SIDT2: variants seen among roughly 807,000 people sequenced by gnomAD.
SIDT2 encodes SID1 transmembrane family member 2, also known as SID1 transmembrane family, member 2.
A neutral mutation model predicts 114.4 loss-of-function variants in SIDT2; 68 were observed. The ratio of observed to expected loss-of-function variants is 0.59; its 90% confidence interval spans 0.49 to 0.73. The LOEUF is 0.73. SIDT2 is among the 30% of genes least tolerant of loss of function. SIDT2 has a pLI of 0.00. For synonymous variants in SIDT2, 470 were observed against 438.4 expected (o/e 1.07, Z -0.90); for missense variants, 918 against 1,097.1 (o/e 0.84, Z 2.31).
chr11:117,179,247 G>A lies in SIDT2; in HGVS notation c.-17G>A, dbSNP rs758342187. On this transcript the variant is annotated 5_prime_UTR_variant, in exon 1 of 26. Transcript: ENST00000324225. ...CGCCGCCGCCACCACCGCTGCCACT[G>A]CCGCCCTGCCGGGGCCATGTTCGCT... 19 of 1,602,576 alleles carry A rather than the reference G, an allele frequency of 1.2e-5. No individual in the cohort carries two copies. The South Asian group carries it at 1.9e-4, about 16-fold the overall frequency.
At chr11:117,191,691 G>GGTGGCAGTGTGGT in intron 18 of SIDT2, 187 bp from the exon 19 acceptor site, 1 of 720,716 alleles carries the variant, frequency 1.4e-6, no homozygotes, top group East Asian at 2.6e-5. Context: ...CAGCCAGTGG[G>GGTGGCAGTGTGGT]GTGGCAGTGT....
Position 117,179,418 on chromosome 11 carries a change from C to T in SIDT2, c.155C>T (p.Thr52Ile), listed in dbSNP as rs2030173699. The T allele has an allele frequency of 1.2e-6, 2 of 1,614,034 alleles. No individual in the cohort carries two copies. Among genetic ancestry groups the T allele is most frequent in the Non-Finnish European group, 1.7e-6 (2 of 1,179,996 alleles). The change falls in exon 1 of 26, where the codon ACC becomes ATC. Residue 52 changes from threonine (T) to isoleucine (I), a missense_variant. By Grantham distance (89) the Thr-to-Ile change is moderately conservative. Coordinates refer to ENST00000324225, the MANE Select transcript of SIDT2 (RefSeq NM_001040455.2). ...AACAGCGAGCTGGTCAACATCTACA[C>T]CTTCAACCATACTGTGACCCGCAAC... Reference protein sequence around the residue: ...EVNSELVNIYTFNHTVTRNRT... With the variant: ...EVNSELVNIYIFNHTVTRNRT...
Position 117,187,417 on chromosome 11 carries a change from C to G in SIDT2, c.1055C>G (p.Ser352Cys), listed in dbSNP as rs1198825062. 2 of 1,613,974 alleles carry G rather than the reference C, an allele frequency of 1.2e-6. No individual in the cohort carries two copies. Among genetic ancestry groups the G allele is most frequent in the Admixed American group, 1.7e-5 (1 of 59,998 alleles). ...RVLADSFPGS[S>C]PYEGYNYGSF... is the part of the protein sequence containing the mutation. ...CTGGCTGATTCTTTTCCTGGCAGTT[C>G]CCCTTATGAGGGTTACAACTATGGC... The change falls in exon 11 of 26, where the codon TCC becomes TGC. Residue 352 changes from serine to cysteine, a missense_variant. Ser to Cys is a moderately radical substitution (Grantham distance 112). Around this residue, in one of 4 missense-constraint regions of SIDT2, gnomAD observed 553 missense variants for 600.1 expected, o/e 0.92. Coordinates refer to ENST00000324225, the MANE Select transcript of SIDT2 (RefSeq NM_001040455.2).
Position 117,188,079 on chromosome 11 carries a change from C to T in SIDT2, c.1159+380C>T, listed in dbSNP as rs550751854. The T allele has an allele frequency of 4.1e-4, 186 of 450,704 alleles. No individual in the cohort carries two copies. Among genetic ancestry groups the T allele is most frequent in the Middle Eastern group, 1.1e-3 (2 of 1,846 alleles). 27.9% of individuals were successfully genotyped at this position (450,704 alleles called of 1,614,324 possible). A position where few individuals can be genotyped will look rare whatever the true frequency, so the allele number is the denominator to read the frequency against. Reference sequence around the variant, plus strand: ...TCCCCATGTAATTCCAGTAATTGCCCGCTCTTGTGTCTTCTGAGATAGCAG... The same window carrying T: ...TCCCCATGTAATTCCAGTAATTGCCTGCTCTTGTGTCTTCTGAGATAGCAG... On this transcript the variant is annotated intron_variant, in intron 12 of 25. Transcript: ENST00000324225. This position sits in a 1 kb window ranked among gnomAD's most constrained non-coding sequence, Gnocchi z 4.0.
At chr11:117,193,700 G>T (rs1167724082) in intron 23 of SIDT2, among the ~76,000 whole-genome samples, 153 bp from the exon 24 acceptor site, 2 of 152,156 alleles carry the variant, frequency 1.3e-5, no homozygotes, top group African/African-American at 2.4e-5. Flanking sequence ...GGCAGGTTGA[G>T]CTCTGTGGTT....
chr11:117,190,490 C>G lies in SIDT2; in HGVS notation c.1618-133C>G. On this transcript the variant is annotated intron_variant, in intron 17 of 25. Transcript: ENST00000324225. The surrounding 1 kb of genome is among the most constrained non-coding windows in gnomAD (Gnocchi z 4.1). ...TGCCAGCCTGCCCAGGCCAGCCCAC[C>G]CCTGCACACCCACACTCGACACATA... is the stretch of plus-strand genomic sequence containing the variant. 1.9e-6 allele frequency: 2 copies of G among 1,080,268 alleles called. No homozygotes were observed. The highest frequency in any genetic ancestry group is 2.6e-6 in the Non-Finnish European group (2 of 755,006). The allele number at this position is 1,080,268 out of a possible 1,614,324, so 66.9% of individuals were successfully genotyped here. A position where few individuals can be genotyped will look rare whatever the true frequency, so the allele number is the denominator to read the frequency against.
At chr11:117,179,859 CA>C (rs1388653114) in intron 1 of SIDT2, 1 of 160,672 alleles carries the variant, frequency 6.2e-6, no homozygotes, top group Non-Finnish European at 1.4e-5. Context: ...TCTGTGCAGG[CA>C]AGTTACATCT....
Position 117,192,337 on chromosome 11 carries a change from C to G in SIDT2, c.1956C>G (p.Leu652=), listed in dbSNP as rs1445264428. ...IIATLLLSTQ[L]YYMGRWKLDS... is the part of the protein sequence containing the mutation. Reference sequence around the variant, plus strand: ...CCACCCTGCTCCTCAGCACGCAGCTCTATTACATGGGCCGGTGGAAACTGG... The same window carrying G: ...CCACCCTGCTCCTCAGCACGCAGCTGTATTACATGGGCCGGTGGAAACTGG... Residue 652 remains leucine (L), a synonymous_variant, in exon 20 of 26, where the codon CTC becomes CTG. Coordinates refer to ENST00000324225, the MANE Select transcript of SIDT2 (RefSeq NM_001040455.2). This position sits in a 1 kb window ranked among gnomAD's most constrained non-coding sequence, Gnocchi z 5.9. 1 of 1,608,174 alleles carries G rather than the reference C, an allele frequency of 6.2e-7. No homozygotes were observed. Among genetic ancestry groups the G allele is most frequent in the Non-Finnish European group, 8.5e-7 (1 of 1,174,834 alleles).
Position 117,186,198 on chromosome 11 carries a change from C to T in SIDT2, c.937C>T (p.Leu313Phe), listed in dbSNP as rs764045197. The change falls in exon 9 of 26, where the codon CTC becomes TTC. Residue 313 changes from leucine (L) to phenylalanine (F), a missense_variant. Around this residue, in one of 4 missense-constraint regions of SIDT2, gnomAD observed 553 missense variants for 600.1 expected, o/e 0.92. Coordinates refer to ENST00000324225, the MANE Select transcript of SIDT2 (RefSeq NM_001040455.2). ...TCTCTCCTTTTACCTGCTGACCGTCCTCCTGGCCTGCTGGGAGAACTGGAG... is the reference window on the plus strand; with the variant it reads ...TCTCTCCTTTTACCTGCTGACCGTCTTCCTGGCCTGCTGGGAGAACTGGAG... ...IFLSFYLLTVLLACWENWRQK... is the reference protein window; with the variant it reads ...IFLSFYLLTVFLACWENWRQK... 1.2e-6 allele frequency: 2 copies of T among 1,614,128 alleles called. No individual in the cohort carries two copies. Among genetic ancestry groups the T allele is most frequent in the Non-Finnish European group, 8.5e-7 (1 of 1,180,034 alleles).
rs1156783750 is a variant in SIDT2, at chr11:117,191,977, G to C, written c.1835G>C (p.Cys612Ser). The change falls in exon 19 of 26, where the codon TGC (cysteine) becomes TCC (serine). Residue 612 changes from cysteine to serine, a missense_variant. Cys to Ser is a moderately radical substitution (Grantham distance 112). Around this residue, in one of 4 missense-constraint regions of SIDT2, gnomAD observed 275 missense variants for 397.6 expected, o/e 0.69. Coordinates refer to ENST00000324225, the MANE Select transcript of SIDT2 (RefSeq NM_001040455.2). ...INASAYSAYA[C>S]LAIVIFFSVL... Reference sequence around the variant, plus strand: ...GCCAGCGCCTACAGTGCCTACGCCTGCCTGGCCATTGTCATCTTCTTCTCT... The same window carrying C: ...GCCAGCGCCTACAGTGCCTACGCCTCCCTGGCCATTGTCATCTTCTTCTCT... 1.9e-6 allele frequency: 3 copies of C among 1,614,186 alleles called. No homozygotes were observed. The highest frequency in any genetic ancestry group is 2.5e-6 in the Non-Finnish European group (3 of 1,180,034).
At position 117,189,326 on chromosome 11, in the gene SIDT2, G is replaced by T. The variant is rs921915545; in HGVS notation, c.1353-9G>T. 3.7e-6 allele frequency: 6 copies of T among 1,614,092 alleles called. No homozygotes were observed. Among genetic ancestry groups the T allele is most frequent in the Non-Finnish European group, 5.1e-6 (6 of 1,180,036 alleles). On this transcript the variant is annotated splice_polypyrimidine_tract_variant and intron_variant, in intron 14 of 25. Coordinates refer to ENST00000324225, the MANE Select transcript of SIDT2 (RefSeq NM_001040455.2). Reference sequence around the variant, plus strand: ...CCACCCACCTCACTGCCGCCCTCCTGCTCCGCAGGAACATTGCCACCATTG... The same window carrying T: ...CCACCCACCTCACTGCCGCCCTCCTTCTCCGCAGGAACATTGCCACCATTG...
In SIDT2 at chr11:117,188,574, C is replaced by G. The variant is rs570530029; in HGVS notation, c.1160-134C>G. 2.9e-4 allele frequency: 200 copies of G among 683,258 alleles called. No homozygotes were observed. In the South Asian group the frequency reaches 3.3e-3, roughly 11 times the overall value. The allele number at this position is 683,258 out of a possible 1,614,324, so 42.3% of individuals were successfully genotyped here. A position where few individuals can be genotyped will look rare whatever the true frequency, so the allele number is the denominator to read the frequency against. Reference sequence around the variant, plus strand: ...TCCCAGCTCCTGAGCCCACTTCCACCCCAACTCTGAGGCCCAGCCCACAAT... The same window carrying G: ...TCCCAGCTCCTGAGCCCACTTCCACGCCAACTCTGAGGCCCAGCCCACAAT... On this transcript the variant is annotated intron_variant, in intron 12 of 25. Transcript: ENST00000324225. This position sits in a 1 kb window ranked among gnomAD's most constrained non-coding sequence, Gnocchi z 4.0.
chr11:117,183,856 G>A lies in SIDT2; in HGVS notation c.780G>A (p.Leu260=), dbSNP rs748287039. Residue 260 remains leucine, a synonymous_variant, in exon 7 of 26, where the codon CTG becomes CTA. Transcript: ENST00000324225. ...KTEDQACGGS[L]PFYPFAEDEP... ...AAGACCAAGCCTGCGGGGGCTCCCT[G>A]CCTTTCTACCCCTTCGCAGAAGGTA... 1.2e-6 allele frequency: 2 copies of A among 1,613,822 alleles called. No homozygotes were observed. The highest frequency in any genetic ancestry group is 1.7e-6 in the Non-Finnish European group (2 of 1,179,740).
intron 24 of SIDT2, 131 bp downstream of exon 24, chr11:117,194,094 C>T (rs2030802479): frequency 1.1e-5 from 7 of 659,942 alleles, no homozygotes; most frequent in African/African-American, 3.6e-5. Context: ...TCACTTGAGG[C>T]GTTCAAGACC....
chr11:117,190,395 T>G lies in SIDT2; in HGVS notation c.1617+106T>G. On this transcript the variant is annotated intron_variant, in intron 17 of 25. Transcript: ENST00000324225. This position sits in a 1 kb window ranked among gnomAD's most constrained non-coding sequence, Gnocchi z 4.1. The stretch of plus-strand genomic sequence containing the variant: ...CAGGCCTGGCCCTGCCTTCCCCAGC[T>G]CTCCCCTCCCCAGTTCTGTCTGGCC... 3 of 1,480,460 alleles carry G rather than the reference T, an allele frequency of 2.0e-6. No homozygotes were observed. Among genetic ancestry groups the G allele is most frequent in the Admixed American group, 2.4e-5 (1 of 41,498 alleles). The allele number at this position is 1,480,460 out of a possible 1,614,324, so 91.7% of individuals were successfully genotyped here.
At position 117,196,110 on chromosome 11, in the gene SIDT2, C is replaced by T; in HGVS notation, c.*44C>T. ...CTTCACCTCAAGGGGCCCTGAGCTC[C>T]TTTGTGTCATAGACCGGTCACTCTG... On this transcript the variant is annotated 3_prime_UTR_variant, in exon 26 of 26. Transcript: ENST00000324225. This position sits in a 1 kb window ranked among gnomAD's most constrained non-coding sequence, Gnocchi z 4.9. 1 of 1,613,010 alleles carries T rather than the reference C, an allele frequency of 6.2e-7. No individual in the cohort carries two copies. Among genetic ancestry groups the T allele is most frequent in the Non-Finnish European group, 8.5e-7 (1 of 1,179,426 alleles).
chr11:117,180,769 C>T (rs1843521114), intron 1 of SIDT2, among the ~76,000 whole-genome samples: 1 of 152,098 alleles, frequency 6.6e-6, no homozygotes, highest in South Asian at 2.1e-4. Context: ...CTCCTGACCT[C>T]AGATGATCCT....
intron 7 of SIDT2, 89 bp downstream of exon 7, chr11:117,183,967 A>C: frequency 6.7e-7 from 1 of 1,499,836 alleles, no homozygotes; most frequent in Non-Finnish European, 9.3e-7. Context: ...TGATTGGTGG[A>C]CCTGATAGGA....
chr11:117,190,187 C>T lies in SIDT2; in HGVS notation c.1515C>T (p.Ser505=). Residue 505 remains serine, a synonymous_variant, in exon 17 of 26, where the codon AGC becomes AGT. Coordinates refer to ENST00000324225, the MANE Select transcript of SIDT2 (RefSeq NM_001040455.2). This position sits in a 1 kb window ranked among gnomAD's most constrained non-coding sequence, Gnocchi z 4.1. Reference sequence around the variant, plus strand: ...CTAGCGCCTTCAACAACATCCTCAGCAACCTGGGGTACATCCTGCTGGGGC... The same window carrying T: ...CTAGCGCCTTCAACAACATCCTCAGTAACCTGGGGTACATCCTGCTGGGGC... The part of the protein sequence containing the change: ...GNLSAFNNIL[S]NLGYILLGLL... 1 of 1,580,588 alleles carries T rather than the reference C, an allele frequency of 6.3e-7. No homozygotes were observed. Among genetic ancestry groups the T allele is most frequent in the South Asian group, 1.2e-5 (1 of 85,392 alleles).
Sources: gnomAD v4.1 joint callset for allele counts (sites outside exome capture counted in the v4.1 genomes callset) on GRCh38, gnomAD v4.1.1 for gene constraint, gnomAD v4.1.1 regional missense constraint, Gnocchi (gnomAD v3.1) non-coding constraint, MANE v1.5 for transcripts, NCBI Gene and HGNC (gene_info 2026-07-23, HGNC 2026-07-21) for gene names.